SUGCT: variants seen among roughly 807,000 people sequenced by gnomAD.
The protein encoded by SUGCT is succinyl-CoA:glutarate CoA-transferase.
A neutral mutation model predicts 55.0 loss-of-function variants in SUGCT; 41 were observed. That is an observed-to-expected ratio of 0.74 (90% confidence interval 0.58 to 0.97). The LOEUF is 0.97. Among genes scored for constraint, SUGCT ranks in the 50% least tolerant of loss-of-function variants. The probability of loss-of-function intolerance (pLI) is 0.00; values close to 1 mark genes in which losing one functional copy is unlikely to be tolerated. For synonymous variants in SUGCT, 187 were observed against 200.4 expected (o/e 0.93, Z 0.56); for missense variants, 568 against 547.8 (o/e 1.04, Z -0.37).
At chr7:40,652,878 GA>G (rs1389802553) in intron 12 of SUGCT, among the ~76,000 whole-genome samples, 2 of 152,130 alleles carry the variant, frequency 1.3e-5, no homozygotes, top group African/African-American at 4.8e-5. Context: ...CCTTCTTGTG[GA>G]ATATTTGATC....
intron 13 of SUGCT, among the ~76,000 whole-genome samples, chr7:40,811,776 C>T (rs569627033): frequency 6.6e-6 from 1 of 152,240 alleles, no homozygotes; most frequent in Non-Finnish European, 1.5e-5. Flanking sequence ...TGCCTGATTG[C>T]TCTGGCTAGC....
At chr7:40,921,517 C>T in the SUGCT span, among the ~76,000 whole-genome samples, 2 of 152,178 alleles carry the variant, frequency 1.3e-5, no homozygotes, top group Non-Finnish European at 2.9e-5. Flanking sequence ...GTGAAGCAGG[C>T]GGCACTGGGA....
chr7:40,243,420 G>A (rs1299045020), intron 7 of SUGCT, among the ~76,000 whole-genome samples: 1 of 152,032 alleles, frequency 6.6e-6, no homozygotes. Flanking sequence ...ATGGAAAAAT[G>A]AGAAAATAAA....
chr7:40,288,852 T>C (rs1328680179), intron 8 of SUGCT, among the ~76,000 whole-genome samples: 1 of 152,202 alleles, frequency 6.6e-6, no homozygotes, highest in Admixed American at 6.5e-5. Flanking sequence ...ACAACACATC[T>C]TAATTTGGAA....
At position 40,633,251 on chromosome 7, in the gene SUGCT, C is replaced by T. The variant is rs139360137; in HGVS notation, c.1090-116183C>T. 8.5e-5 allele frequency among the ~76,000 whole-genome samples: 13 copies of T among 152,248 alleles called. No individual in the cohort carries two copies. The South Asian group carries it at 1.2e-3, about 15-fold the overall frequency. Reference sequence around the variant, plus strand: ...CTGTACAGACACTTTTAAATAATATCGAAACCAAAAGTGTCTATATTTTTT... The same window carrying T: ...CTGTACAGACACTTTTAAATAATATTGAAACCAAAAGTGTCTATATTTTTT... On this transcript the variant is annotated intron_variant, in intron 12 of 13. Coordinates refer to ENST00000335693, the MANE Select transcript of SUGCT (RefSeq NM_001193313.2).
intron 1 of SUGCT, among the ~76,000 whole-genome samples, chr7:40,139,770 C>T (rs372852364): frequency 3.9e-5 from 6 of 152,044 alleles, no homozygotes; most frequent in South Asian, 2.1e-4. Context: ...TTTTGTTGCC[C>T]GTGCTTTTGA....
chr7:40,458,492 C>T (rs1230090207), intron 10 of SUGCT, among the ~76,000 whole-genome samples: 1 of 152,186 alleles, frequency 6.6e-6, no homozygotes, highest in Non-Finnish European at 1.5e-5. Context: ...AATAGTGATA[C>T]TTCTATAGGA....
At chr7:40,424,278 C>A (rs1787469031) in intron 9 of SUGCT, among the ~76,000 whole-genome samples, 1 of 152,050 alleles carries the variant, frequency 6.6e-6, no homozygotes, top group Admixed American at 6.6e-5. Flanking sequence ...GAGATGGTGA[C>A]AAAAGTATTG....
intron 9 of SUGCT, among the ~76,000 whole-genome samples, chr7:40,421,931 C>T (rs1372562198): frequency 6.6e-6 from 1 of 152,048 alleles, no homozygotes; most frequent in Admixed American, 6.6e-5. Context: ...GGCCATTTAC[C>T]TTGCCCCAAC....
At chr7:40,547,869 T>G (rs1413935359) in intron 12 of SUGCT, among the ~76,000 whole-genome samples, 3 of 152,174 alleles carry the variant, frequency 2.0e-5, no homozygotes, top group Non-Finnish European at 4.4e-5. Flanking sequence ...TTTATTTAAC[T>G]AATCCAGTGT....
chr7:40,351,864 A>G (rs1458862226), intron 9 of SUGCT, among the ~76,000 whole-genome samples: 3 of 152,224 alleles, frequency 2.0e-5, no homozygotes, highest in Admixed American at 6.5e-5. Flanking sequence ...TAAATTTTAG[A>G]TTAGTGCTTC....
At chr7:40,558,264 C>A (rs942618258) in intron 12 of SUGCT, among the ~76,000 whole-genome samples, 1 of 152,120 alleles carries the variant, frequency 6.6e-6, no homozygotes, top group African/African-American at 2.4e-5. Context: ...AATTCCACTC[C>A]TGGGAATTAC....
At chr7:40,303,520 G>A (rs1345525457) in intron 8 of SUGCT, among the ~76,000 whole-genome samples, 1 of 150,816 alleles carries the variant, frequency 6.6e-6, no homozygotes, top group Non-Finnish European at 1.5e-5. Flanking sequence ...GTCTTGCTCT[G>A]TTGCCCAGGC....
At chr7:40,478,699 C>T (rs975685518) in intron 11 of SUGCT, among the ~76,000 whole-genome samples, 2 of 152,064 alleles carry the variant, frequency 1.3e-5, no homozygotes, top group African/African-American at 4.8e-5. Flanking sequence ...GAAGATCTAA[C>T]CTTTTGGCAA....
At chr7:40,178,651 G>C (rs891001258) in intron 1 of SUGCT, among the ~76,000 whole-genome samples, 2 of 151,676 alleles carry the variant, frequency 1.3e-5, no homozygotes, top group African/African-American at 4.8e-5. Context: ...TTTCTCCCTA[G>C]AAATGTTTAA....
intron 8 of SUGCT, among the ~76,000 whole-genome samples, chr7:40,302,446 A>G (rs1192804233): frequency 6.6e-6 from 1 of 152,190 alleles, no homozygotes; most frequent in Non-Finnish European, 1.5e-5. Context: ...CAACAACACA[A>G]ACTATGATTT....
intron 12 of SUGCT, among the ~76,000 whole-genome samples, chr7:40,699,503 C>A (rs1334888220): frequency 6.6e-6 from 1 of 152,170 alleles, no homozygotes; most frequent in Admixed American, 6.5e-5. Context: ...TCCCCGTGTC[C>A]TGCAGAGGTA....
chr7:40,845,038 G>A (rs1238174927), intron 13 of SUGCT, among the ~76,000 whole-genome samples: 1 of 149,774 alleles, frequency 6.7e-6, no homozygotes, highest in African/African-American at 2.4e-5. Context: ...AATCTAGTGG[G>A]TTTTGGTTTT....
intron 9 of SUGCT, among the ~76,000 whole-genome samples, chr7:40,371,730 A>G (rs201626011): frequency 1.2e-4 from 4 of 34,358 alleles, no homozygotes; most frequent in African/African-American, 1.5e-4. Flanking sequence ...TATTGTCTTA[A>G]TTGTCACTGT....
Sources: gnomAD v4.1 joint callset for allele counts (sites outside exome capture counted in the v4.1 genomes callset) on GRCh38, gnomAD v4.1.1 for gene constraint, MANE v1.5 for transcripts, NCBI Gene and HGNC (gene_info 2026-07-23, HGNC 2026-07-21) for gene names.